The following FARS2 variants were observed in gnomAD, a reference collection of about 807,000 sequenced individuals.
FARS2 encodes the protein phenylalanyl-tRNA synthetase 2, mitochondrial.
FARS2 carries 40 observed loss-of-function variants against 46.4 expected under a neutral mutation model. That is an observed-to-expected ratio of 0.86 (90% confidence interval 0.67 to 1.12). The LOEUF is 1.12. Ranked by LOEUF, FARS2 falls within the 50% of genes most tolerant of loss-of-function variation. FARS2 has a pLI of 0.00. For synonymous variants in FARS2, 234 were observed against 214.9 expected (o/e 1.09, Z -0.78); for missense variants, 513 against 567.9 (o/e 0.90, Z 0.98).
chr6:5,534,804 CAT>C (rs1448286903), intron 4 of FARS2, among the ~76,000 whole-genome samples: 2 of 152,026 alleles, frequency 1.3e-5, no homozygotes, highest in African/African-American at 2.4e-5. Flanking sequence ...TAGAGACACA[CAT>C]ATGTATACAC....
intron 6 of FARS2, among the ~76,000 whole-genome samples, chr6:5,671,326 TC>T (rs1258825078): frequency 1.3e-5 from 2 of 152,178 alleles, no homozygotes; most frequent in Non-Finnish European, 2.9e-5. Flanking sequence ...GCTCTTCCTG[TC>T]CCCAGAGCTG....
At chr6:5,672,198 G>A (rs369277918) in intron 6 of FARS2, among the ~76,000 whole-genome samples, 3 of 152,206 alleles carry the variant, frequency 2.0e-5, no homozygotes, top group South Asian at 2.1e-4. Flanking sequence ...GCTTTGGTGG[G>A]GTTTCCTCAC....
rs1767982592 is a variant in FARS2, at chr6:5,504,397, C to T, written c.905-40783C>T. Among the ~76,000 whole-genome samples, 6 of 142,490 alleles carry T rather than the reference C, an allele frequency of 4.2e-5. No individual in the cohort carries two copies. In the South Asian group the frequency reaches 1.1e-3, roughly 26 times the overall value. 93.5% of individuals were successfully genotyped at this position (142,490 alleles called of 152,430 possible). A position where few individuals can be genotyped will look rare whatever the true frequency, so the allele number is the denominator to read the frequency against. On this transcript the variant is annotated intron_variant, in intron 4 of 6. Coordinates refer to ENST00000274680, the MANE Select transcript of FARS2 (RefSeq NM_006567.5). ...ACTGAGTGGAAGCAGAAAGATAGTTCCTTTAAAAATATTGGGAATGAAATA... is the reference window on the plus strand; with the variant it reads ...ACTGAGTGGAAGCAGAAAGATAGTTTCTTTAAAAATATTGGGAATGAAATA...
chr6:5,625,909 T>A (rs1342013566), intron 6 of FARS2, among the ~76,000 whole-genome samples: 3 of 152,190 alleles, frequency 2.0e-5, no homozygotes. Context: ...GTGGTGGGGA[T>A]GGTTAAGTTA....
intron 6 of FARS2, among the ~76,000 whole-genome samples, chr6:5,687,327 T>G (rs1269756996): frequency 6.6e-6 from 1 of 152,216 alleles, no homozygotes; most frequent in African/African-American, 2.4e-5. Context: ...TTTTTATGGT[T>G]TTAGGTCTAA....
At position 5,471,915 on chromosome 6, in the gene FARS2, G is replaced by A. The variant is rs903011330; in HGVS notation, c.904+40743G>A. Among the ~76,000 whole-genome samples the A allele has an allele frequency of 2.6e-5, 4 of 152,192 alleles. No homozygotes were observed. The highest frequency in any genetic ancestry group is 9.7e-5 in the African/African-American group (4 of 41,438). The stretch of plus-strand genomic sequence containing the variant: ...AATACTGCTGAAACCCAAAGAAAGG[G>A]CATTTGCCACAGCTCAGGAGCCTGC... On this transcript the variant is annotated intron_variant, in intron 4 of 6. Transcript: ENST00000274680. The surrounding 1 kb of genome is among the most constrained non-coding windows in gnomAD (Gnocchi z 4.1).
intron 6 of FARS2, among the ~76,000 whole-genome samples, chr6:5,633,852 C>T (rs58797340): frequency 0.023 from 3,553 of 152,192 alleles, 108 homozygotes; most frequent in African/African-American, 0.061. Context: ...TGGCATTTTA[C>T]AAACAGTAAA....
At chr6:5,444,475 AAAAAAAAAAAAAAAAAAAG>A (rs1764042041) in intron 4 of FARS2, among the ~76,000 whole-genome samples, 1 of 82,334 alleles carries the variant, frequency 1.2e-5, no homozygotes, top group African/African-American at 6.9e-5. Flanking sequence ...TCAAAAAAAA[AAAAAAAAAAAAAAAAAAAG>A]AGAGAGAGAG....
At chr6:5,313,726 A>G (rs1167587919) in intron 1 of FARS2, among the ~76,000 whole-genome samples, 1 of 152,152 alleles carries the variant, frequency 6.6e-6, no homozygotes, top group Non-Finnish European at 1.5e-5. Flanking sequence ...AATGATTTTT[A>G]TATGTGGTGG....
intron 6 of FARS2, among the ~76,000 whole-genome samples, chr6:5,725,771 A>C (rs373584653): frequency 1.3e-5 from 2 of 152,188 alleles, no homozygotes; most frequent in Admixed American, 6.5e-5. Flanking sequence ...CCCCGTGTCT[A>C]CTAAAAATAC....
intron 6 of FARS2, among the ~76,000 whole-genome samples, chr6:5,643,865 G>A (rs1776945290): frequency 6.6e-6 from 1 of 152,132 alleles, no homozygotes; most frequent in African/African-American, 2.4e-5. Flanking sequence ...GAGGGGCTAG[G>A]GTCAAGTGTG....
At chr6:5,517,012 A>G (rs1768840619) in intron 4 of FARS2, among the ~76,000 whole-genome samples, 1 of 152,196 alleles carries the variant, frequency 6.6e-6, no homozygotes, top group South Asian at 2.1e-4. Context: ...ACAAAAGTTT[A>G]GATAGATGCA....
chr6:5,509,769 G>A lies in FARS2; in HGVS notation c.905-35411G>A, dbSNP rs28678645. On this transcript the variant is annotated intron_variant, in intron 4 of 6. Coordinates refer to ENST00000274680, the MANE Select transcript of FARS2 (RefSeq NM_006567.5). ...GGTTTCTTTATGGGGATACCTGCTG[G>A]AGTGTGCTGGTTTTTAAAAAACAGG... is the stretch of plus-strand genomic sequence containing the variant. Among the ~76,000 whole-genome samples the A allele has an allele frequency of 3.0e-3, 455 of 152,308 alleles. 12 individuals carry two copies. In the East Asian group the frequency reaches 0.075, roughly 25 times the overall value.
chr6:5,503,405 C>CACAGAGAG (rs888782982), intron 4 of FARS2, among the ~76,000 whole-genome samples: 2 of 39,584 alleles, frequency 5.1e-5, no homozygotes, highest in African/African-American at 8.8e-5. Flanking sequence ...CACACACACA[C>CACAGAGAG]AGAGAGAGAG....
At chr6:5,584,568 G>A (rs1773515093) in intron 5 of FARS2, among the ~76,000 whole-genome samples, 1 of 151,992 alleles carries the variant, frequency 6.6e-6, no homozygotes, top group South Asian at 2.1e-4. Context: ...CTTCCCGTGT[G>A]TGCCTGTGCA....
chr6:5,525,545 T>C (rs1429199096), intron 4 of FARS2, among the ~76,000 whole-genome samples: 6 of 152,246 alleles, frequency 3.9e-5, no homozygotes, highest in Admixed American at 2.6e-4. Flanking sequence ...TCATAAGGGA[T>C]GTGCCCTCCA....
intron 6 of FARS2, among the ~76,000 whole-genome samples, chr6:5,759,263 T>G (rs1762367635): frequency 6.6e-6 from 1 of 152,194 alleles, no homozygotes; most frequent in Non-Finnish European, 1.5e-5. Flanking sequence ...CCTTAGCTTG[T>G]TGGTACTTCC....
chr6:5,291,316 G>A (rs1045249790), intron 1 of FARS2: 1 of 152,170 alleles, frequency 6.6e-6, no homozygotes. Context: ...GTAGGATGCT[G>A]ATTTTGAATA....
intron 4 of FARS2, among the ~76,000 whole-genome samples, chr6:5,527,911 T>C (rs767039483): frequency 6.6e-6 from 1 of 152,214 alleles, no homozygotes; most frequent in African/African-American, 2.4e-5. Flanking sequence ...TAGATTGAAA[T>C]TTGAGGGAAA....
Sources: allele counts gnomAD v4.1 joint callset (sites outside exome capture counted in the v4.1 genomes callset), GRCh38; gene constraint gnomAD v4.1.1; non-coding constraint Gnocchi (gnomAD v3.1); transcripts MANE v1.5; gene names NCBI Gene and HGNC (gene_info 2026-07-23, HGNC 2026-07-21).